The following FAM81A variants were observed in gnomAD, a reference collection of about 807,000 sequenced individuals.
FAM81A encodes family with sequence similarity 81 member A, also known as protein FAM81A.
In FAM81A, 19 loss-of-function variants were observed where a neutral mutation model predicts 46.7. That is an observed-to-expected ratio of 0.41 (90% CI 0.28 to 0.60). The LOEUF (loss-of-function observed/expected upper bound fraction) is 0.60. FAM81A is among the 20% of genes least tolerant of loss of function. The probability of loss-of-function intolerance (pLI) is 0.34; values close to 1 mark genes in which losing one functional copy is unlikely to be tolerated. For synonymous variants in FAM81A, 183 were observed against 152.9 expected (o/e 1.20, Z -1.45); for missense variants, 377 against 453.5 (o/e 0.83, Z 1.53).
chr15:59,483,583 C>T (rs1470123172), intron 3 of FAM81A, among the ~76,000 whole-genome samples: 6 of 152,076 alleles, frequency 3.9e-5, no homozygotes, highest in Non-Finnish European at 7.4e-5. Context: ...CTATTCATTT[C>T]CAAATGGGCC....
chr15:59,426,639 A>G (rs375183591), intron 2 of FAM81A, among the ~76,000 whole-genome samples: 10 of 152,302 alleles, frequency 6.6e-5, no homozygotes, highest in African/African-American at 2.4e-4. Context: ...ACAAACAAAG[A>G]AATACATGTA....
chr15:59,439,168 G>T (rs1189190275), intron 1 of FAM81A: 2 of 151,786 alleles, frequency 1.3e-5, no homozygotes, highest in African/African-American at 4.8e-5. Context: ...CAAAGTCTGC[G>T]TACGGCAGTG....
intron 3 of FAM81A, among the ~76,000 whole-genome samples, chr15:59,488,715 G>A (rs1032942551): frequency 2.6e-5 from 4 of 152,162 alleles, no homozygotes; most frequent in East Asian, 1.9e-4. Context: ...TGTGGCTCAC[G>A]CCTATAATCC....
chr15:59,511,102 A>G (rs2082203476), intron 6 of FAM81A, among the ~76,000 whole-genome samples: 1 of 152,212 alleles, frequency 6.6e-6, no homozygotes, highest in South Asian at 2.1e-4. Context: ...TCTCAAAAAA[A>G]GAAAACGAAG....
intron 1 of FAM81A, among the ~76,000 whole-genome samples, chr15:59,457,644 C>CT (rs1486732668): frequency 1.3e-5 from 2 of 152,004 alleles, no homozygotes; most frequent in Admixed American, 6.6e-5. Flanking sequence ...GCATGAATGA[C>CT]TTTTTTTTCC....
intron 3 of FAM81A, among the ~76,000 whole-genome samples, chr15:59,464,374 G>GT (rs1438856169): frequency 6.6e-6 from 1 of 152,150 alleles, no homozygotes; most frequent in Non-Finnish European, 1.5e-5. Context: ...TCTATTTGTA[G>GT]TTTTTTGAGG....
At position 59,491,747 on chromosome 15, in the gene FAM81A, C is replaced by T. The variant is rs866401517; in HGVS notation, c.295-524C>T. On this transcript the variant is annotated intron_variant, in intron 3 of 8. Transcript: ENST00000288228. ...GTCACCTGATGTCAGGAATTCAAGA[C>T]CAGCCTGGCCAACATGGCGAAACCC... is the stretch of plus-strand genomic sequence containing the variant. 1.2e-4 allele frequency among the ~76,000 whole-genome samples: 19 copies of T among 152,244 alleles called. No individual in the cohort carries two copies. In the Middle Eastern group the frequency reaches 0.02, roughly 164 times the overall value.
chr15:59,407,153 G>T, intron 2 of FAM81A: 2 of 157,544 alleles, frequency 1.3e-5, no homozygotes, highest in South Asian at 3.5e-4. Flanking sequence ...GCTGTGTGGT[G>T]ACAGTGGTGC....
At chr15:59,455,898 T>A (rs539320401) in intron 1 of FAM81A, among the ~76,000 whole-genome samples, 39 of 152,248 alleles carry the variant, frequency 2.6e-4, no homozygotes, top group Non-Finnish European at 4.9e-4. Context: ...GTATATTGTC[T>A]TATATCTTTA....
chr15:59,514,381 T>C lies in FAM81A; in HGVS notation c.743T>C (p.Leu248Ser), dbSNP rs1234034267. 4 of 1,613,652 alleles carry C rather than the reference T, an allele frequency of 2.5e-6. No homozygotes were observed. The highest frequency in any genetic ancestry group is 8.5e-7 in the Non-Finnish European group (1 of 1,179,810). Residue 248 changes from leucine (L) to serine (S), a missense_variant, in exon 7 of 9, where the codon TTA becomes TCA. By Grantham distance (145) the Leu-to-Ser change is moderately radical (BLOSUM62 -2). Coordinates refer to ENST00000288228, the MANE Select transcript of FAM81A (RefSeq NM_152450.3). ...CAAGAACGGATAGAAAAAGAGCTTTTACAGAAAATTGATCAGCTTTCCTTG... is the reference window on the plus strand; with the variant it reads ...CAAGAACGGATAGAAAAAGAGCTTTCACAGAAAATTGATCAGCTTTCCTTG... ...QEQERIEKEL[L>S]QKIDQLSLIV...
rs1053580519 is a variant in FAM81A, at chr15:59,522,251, G to T, written c.*873G>T. On this transcript the variant is annotated 3_prime_UTR_variant, in exon 9 of 9. Transcript: ENST00000288228. ...TCCAAAATTGGCACAAAGTGCTAGGGTTTATATACACTTATCGTAACTGTA... is the reference window on the plus strand; with the variant it reads ...TCCAAAATTGGCACAAAGTGCTAGGTTTTATATACACTTATCGTAACTGTA... The T allele has an allele frequency of 7.9e-5, 12 of 152,692 alleles. No homozygotes were observed. The highest frequency in any genetic ancestry group is 2.9e-4 in the African/African-American group (12 of 41,544). 9.5% of individuals were successfully genotyped at this position (152,692 alleles called of 1,614,324 possible). A position where few individuals can be genotyped will look rare whatever the true frequency, so the allele number is the denominator to read the frequency against.
intron 3 of FAM81A, among the ~76,000 whole-genome samples, chr15:59,470,705 G>C (rs142975218): frequency 1.4e-3 from 215 of 152,246 alleles, no homozygotes; most frequent in African/African-American, 5.1e-3. Flanking sequence ...GCCTACTTCT[G>C]TCAACTCATC....
At chr15:59,487,632 T>C (rs1450306809) in intron 3 of FAM81A, among the ~76,000 whole-genome samples, 1 of 151,994 alleles carries the variant, frequency 6.6e-6, no homozygotes, top group Non-Finnish European at 1.5e-5. Flanking sequence ...AGCAACTATA[T>C]GCCAAAAAAC....
In FAM81A at chr15:59,462,202, C is replaced by CAAA. The variant is rs58692315; in HGVS notation, c.294+2012_294+2014dup. Among the ~76,000 whole-genome samples the CAAA allele has an allele frequency of 3.0e-5, 2 of 67,560 alleles. 1 individual carries two copies. The highest frequency in any genetic ancestry group is 6.3e-5 in the Non-Finnish European group (2 of 31,814). The allele number at this position is 67,560 out of a possible 152,430, so 44.3% of individuals were successfully genotyped here. On this transcript the variant is annotated intron_variant, in intron 3 of 8. Transcript: ENST00000288228. ...TGGGCGACAGAGCGAGACTGCATCT[C>CAAA]AAAAAAAAAAAAAAAAAACATAGCC...
intron 3 of FAM81A, among the ~76,000 whole-genome samples, chr15:59,480,391 G>A (rs1365778481): frequency 1.3e-5 from 2 of 152,122 alleles, no homozygotes; most frequent in Non-Finnish European, 2.9e-5. Flanking sequence ...GATGTCCCAG[G>A]GGATTGGTTG....
intron 1 of FAM81A, among the ~76,000 whole-genome samples, chr15:59,399,100 C>T (rs1435187345): frequency 1.3e-5 from 2 of 151,770 alleles, no homozygotes; most frequent in Non-Finnish European, 2.9e-5. Context: ...ACCTGGGAGG[C>T]GGAGGTTATG....
chr15:59,438,900 GCTT>G (rs779223417), intron 1 of FAM81A: 8 of 152,174 alleles, frequency 5.3e-5, no homozygotes, highest in Admixed American at 3.3e-4. Context: ...CCGGAGAATG[GCTT>G]CTTAAGATGC....
chr15:59,475,605 T>C (rs1182468967), intron 3 of FAM81A, among the ~76,000 whole-genome samples: 2 of 152,160 alleles, frequency 1.3e-5, no homozygotes, highest in African/African-American at 4.8e-5. Context: ...ATTTTTGGAG[T>C]GTGCAATTTT....
rs936001250 is a variant in FAM81A, at chr15:59,469,874, T to G, written c.294+9668T>G. On this transcript the variant is annotated intron_variant, in intron 3 of 8. Coordinates refer to ENST00000288228, the MANE Select transcript of FAM81A (RefSeq NM_152450.3). ...GGTACCGGTTGTTCCTTTCCATGTT[T>G]AGTGCTTCCTTCAGGAGCTCTTGTA... Among the ~76,000 whole-genome samples, 3 of 152,252 alleles carry G rather than the reference T, an allele frequency of 2.0e-5. No individual in the cohort carries two copies. In the South Asian group the frequency reaches 6.2e-4, roughly 31 times the overall value.
Sources: allele counts gnomAD v4.1 joint callset (sites outside exome capture counted in the v4.1 genomes callset), GRCh38; gene constraint gnomAD v4.1.1; transcripts MANE v1.5; gene names NCBI Gene and HGNC (gene_info 2026-07-23, HGNC 2026-07-21).